The following RHNO1 variants were observed in gnomAD, a reference collection of about 807,000 sequenced individuals.
RHNO1 encodes RAD9, HUS1, RAD1-interacting nuclear orphan protein 1.
A neutral mutation model predicts 7.2 loss-of-function variants in RHNO1; 9 were observed. The observed-to-expected ratio is 1.25, with a 90% CI of 0.75 to 2.18. The LOEUF is 2.18. RHNO1 is among the 30% of genes most tolerant of loss of function. RHNO1 has a pLI of 0.00. For missense variants in RHNO1, 292 were observed against 284.5 expected (o/e 1.03, Z -0.19); for synonymous variants, 95 against 107.5 (o/e 0.88, Z 0.72).
Position 2,887,269 on chromosome 12 carries a change from A to G in RHNO1, c.169-642A>G, listed in dbSNP as rs2098166659. 6.6e-6 allele frequency among the ~76,000 whole-genome samples: 1 copy of G among 152,072 alleles called. No individual in the cohort carries two copies. The highest frequency in any genetic ancestry group is 2.1e-4 in the South Asian group (1 of 4,820). ...GGGGTGGGTGGATCACCTGAGGTCA[A>G]GAGTTCAAGGTCAGCCTGGTCAACA... On this transcript the variant is annotated intron_variant, in intron 2 of 2. Coordinates refer to ENST00000489288, the MANE Select transcript of RHNO1 (RefSeq NM_001252499.3).
Position 2,885,286 on chromosome 12 carries a change from TG to T in RHNO1, c.-78del. The T allele has an allele frequency of 3.3e-6, 4 of 1,219,204 alleles. No homozygotes were observed. The highest frequency in any genetic ancestry group is 3.5e-6 in the Non-Finnish European group (3 of 861,656). The allele number at this position is 1,219,204 out of a possible 1,614,324, so 75.5% of individuals were successfully genotyped here. On this transcript the variant is annotated 5_prime_UTR_variant, in exon 2 of 3. An upstream open reading frame in the 5' UTR gains an earlier in-frame stop. Coordinates refer to ENST00000489288, the MANE Select transcript of RHNO1 (RefSeq NM_001252499.3). ...AGCTTTTGTTTCTTCTCTACAGGCA[TG>T]GGTTGGAATTGGAGCCTATCCCCCA...
intron 1 of RHNO1, among the ~76,000 whole-genome samples, chr12:2,877,752 T>C (rs2098149616): frequency 6.6e-6 from 1 of 152,226 alleles, no homozygotes; most frequent in African/African-American, 2.4e-5. Flanking sequence ...ATTGACTTAG[T>C]CAACCAGTCT....
At chr12:2,879,823 A>G (rs892445359) in intron 1 of RHNO1, among the ~76,000 whole-genome samples, 6 of 152,022 alleles carry the variant, frequency 3.9e-5, no homozygotes, top group Non-Finnish European at 8.8e-5. Context: ...GAACAGCTCC[A>G]AAGCACAACC....
At chr12:2,879,158 T>C (rs2098154047) in intron 1 of RHNO1, among the ~76,000 whole-genome samples, 1 of 149,134 alleles carries the variant, frequency 6.7e-6, no homozygotes, top group Non-Finnish European at 1.5e-5. Flanking sequence ...CACATGCCAC[T>C]ACACCCATCT....
intron 1 of RHNO1, among the ~76,000 whole-genome samples, chr12:2,883,375 G>A (rs996390635): frequency 4.1e-5 from 6 of 145,110 alleles, no homozygotes; most frequent in African/African-American, 1.3e-4. Context: ...ACCCTATCTC[G>A]AAAAAAAGAA....
At position 2,888,203 on chromosome 12, in the gene RHNO1, C is replaced by G; in HGVS notation, c.461C>G (p.Pro154Arg). 1 of 1,614,070 alleles carries G rather than the reference C, an allele frequency of 6.2e-7. No individual in the cohort carries two copies. The highest frequency in any genetic ancestry group is 8.5e-7 in the Non-Finnish European group (1 of 1,179,990). Residue 154 changes from proline (P) to arginine (R), a missense_variant, in exon 3 of 3, where the codon CCA becomes CGA. Physicochemically the swap from Pro to Arg is moderately radical, Grantham distance 103. Coordinates refer to ENST00000489288, the MANE Select transcript of RHNO1 (RefSeq NM_001252499.3). ...ALQSLPYVFI[P>R]PDIQTPESSS... is the part of the protein sequence containing the mutation. ...CAGAGCTTACCTTATGTGTTCATTCCACCTGATATCCAGACCCCAGAGTCA... is the reference window on the plus strand; with the variant it reads ...CAGAGCTTACCTTATGTGTTCATTCGACCTGATATCCAGACCCCAGAGTCA...
In RHNO1 at chr12:2,879,968, T is replaced by C. The variant is rs965858720; in HGVS notation, c.-85+2686T>C. On this transcript the variant is annotated intron_variant, in intron 1 of 2. Coordinates refer to ENST00000489288, the MANE Select transcript of RHNO1 (RefSeq NM_001252499.3). ...ATTTCCTTTGATGTCTTCTGTATTC[T>C]TTGTCAAGTAGGAAGTAAAGTCATT... 6.1e-4 allele frequency among the ~76,000 whole-genome samples: 93 copies of C among 152,092 alleles called. 1 individual carries two copies. The highest frequency in any genetic ancestry group is 1.6e-4 in the Non-Finnish European group (11 of 68,046).
chr12:2,886,870 AGGAAT>A (rs1287478611), intron 2 of RHNO1: 1 of 436,600 alleles, frequency 2.3e-6, no homozygotes, highest in African/African-American at 2.0e-5. Flanking sequence ...GGATGAGAGT[AGGAAT>A]GAACATTTAT....
At chr12:2,886,671 A>C (rs910012233) in intron 2 of RHNO1, among the ~76,000 whole-genome samples, 23 of 151,772 alleles carry the variant, frequency 1.5e-4, no homozygotes, top group African/African-American at 5.3e-4. Context: ...AAAAAAAAAA[A>C]AAAAAATAGA....
rs769912052 is a variant in RHNO1, at chr12:2,888,082, G to A, written c.340G>A (p.Glu114Lys). 129 of 1,614,010 alleles carry A rather than the reference G, an allele frequency of 8.0e-5. 3 individuals carry two copies. In the South Asian group the frequency reaches 1.3e-3, roughly 16 times the overall value. Residue 114 changes from glutamate (E) to lysine (K), a missense_variant, in exon 3 of 3, where the codon GAG becomes AAG. Coordinates refer to ENST00000489288, the MANE Select transcript of RHNO1 (RefSeq NM_001252499.3). The part of the protein sequence containing the change: ...SETLGIPLIR[E>K]CPSESEKDVS... ...GACATTGGGGATCCCCTTAATCCGA[G>A]AGTGCCCCAGTGAATCAGAAAAGGA...
chr12:2,880,141 A>C (rs918554204), intron 1 of RHNO1, among the ~76,000 whole-genome samples: 1 of 151,786 alleles, frequency 6.6e-6, no homozygotes, highest in African/African-American at 2.4e-5. Context: ...CAAAAAATAA[A>C]ATAAGAAACT....
chr12:2,877,968 G>C (rs2098150330), intron 1 of RHNO1: 1 of 152,260 alleles, frequency 6.6e-6, no homozygotes, highest in South Asian at 2.1e-4. Context: ...ATCACTTGAG[G>C]TCACGAGTTC....
At chr12:2,883,478 T>A (rs768194103) in intron 1 of RHNO1, among the ~76,000 whole-genome samples, 2,294 of 32,366 alleles carry the variant, frequency 0.071, 57 homozygotes, top group African/African-American at 0.18. Context: ...AAGGATAGAA[T>A]ATATATATAT....
intron 2 of RHNO1, among the ~76,000 whole-genome samples, chr12:2,887,529 G>A (rs1467575032): frequency 6.6e-6 from 1 of 151,186 alleles, no homozygotes; most frequent in Admixed American, 6.6e-5. Flanking sequence ...GGCGCCTGTA[G>A]TCCCAGCTAC....
At chr12:2,877,564 G>A (rs1428025056) in intron 1 of RHNO1, among the ~76,000 whole-genome samples, 1 of 152,108 alleles carries the variant, frequency 6.6e-6, no homozygotes. Context: ...TTCCCACAGT[G>A]AACGATCGTC....
rs190782478 is a variant in RHNO1, at chr12:2,889,393, T to G, written c.*934T>G. 1 of 152,332 alleles carries G rather than the reference T, an allele frequency of 6.6e-6. No homozygotes were observed. The highest frequency in any genetic ancestry group is 1.9e-4 in the East Asian group (1 of 5,188). 9.4% of individuals were successfully genotyped at this position (152,332 alleles called of 1,614,324 possible). ...TTCTTAGAATAACTGTTCAACTGTG[T>G]GTAAATAAGGAAAGTTTTCAATGAG... On this transcript the variant is annotated 3_prime_UTR_variant, in exon 3 of 3. Coordinates refer to ENST00000489288, the MANE Select transcript of RHNO1 (RefSeq NM_001252499.3).
In RHNO1 at chr12:2,888,595, T is replaced by C. The variant is rs1267092576; in HGVS notation, c.*136T>C. 1.5e-6 allele frequency: 1 copy of C among 668,900 alleles called. No homozygotes were observed. The highest frequency in any genetic ancestry group is 1.8e-5 in the African/African-American group (1 of 55,546). The allele number at this position is 668,900 out of a possible 1,614,324, so 41.4% of individuals were successfully genotyped here. A position where few individuals can be genotyped will look rare whatever the true frequency, so the allele number is the denominator to read the frequency against. ...CAGGCTGGAGTGCAGTGGTATGATC[T>C]CACCTTACTGCAACCACCACTTCCT... On this transcript the variant is annotated 3_prime_UTR_variant, in exon 3 of 3. Transcript: ENST00000489288.
At chr12:2,883,509 ATATTTTTTTTTT>A (rs1256809656) in intron 1 of RHNO1, among the ~76,000 whole-genome samples, 12 of 24,232 alleles carry the variant, frequency 5.0e-4, no homozygotes, top group African/African-American at 1.1e-3. Context: ...ATATATATAT[ATATTTTTTTTTT>A]TTTTTTTTTT....
At chr12:2,877,385 T>A (rs2098148040) in intron 1 of RHNO1, 103 bp downstream of exon 1, 1 of 151,908 alleles carries the variant, frequency 6.6e-6, no homozygotes, top group Non-Finnish European at 1.5e-5. Context: ...CGAGGGAGAG[T>A]TTGGGGACGC....
Sources: gnomAD v4.1 joint callset for allele counts (sites outside exome capture counted in the v4.1 genomes callset) on GRCh38, gnomAD v4.1.1 for gene constraint, MANE v1.5 for transcripts, NCBI Gene and HGNC (gene_info 2026-07-23, HGNC 2026-07-21) for gene names.